CELF2: variants seen among roughly 807,000 people sequenced by gnomAD.
CELF2 encodes CUGBP Elav-like family member 2, also known as CUG triplet repeat RNA-binding protein 2.
CELF2 carries 8 observed loss-of-function variants against 62.6 expected under a neutral mutation model. That is an observed-to-expected ratio of 0.13 (90% confidence interval 0.07 to 0.23). CELF2 has a LOEUF of 0.23. Among genes scored for constraint, CELF2 ranks in the 10% least tolerant of loss-of-function variants. The pLI is 1.00. For synonymous variants in CELF2, 258 were observed against 250.0 expected, an observed-to-expected ratio of 1.03 and a Z score of -0.30; for missense variants, 333 against 671.0, an observed-to-expected ratio of 0.50 and a Z score of 5.56.
At position 11,165,269 on chromosome 10, in the gene CELF2, G is replaced by A; in HGVS notation, c.75-217G>A. 1.1e-5 allele frequency: 15 copies of A among 1,381,848 alleles called. 1 individual carries two copies. The highest frequency in any genetic ancestry group is 6.4e-5 in the Admixed American group (2 of 31,492). 85.6% of individuals were successfully genotyped at this position (1,381,848 alleles called of 1,614,324 possible). Reference sequence around the variant, plus strand: ...GCCCCGTGCTCCCCCGGCTCTGCTCGACAGCAGCACGCAGTGAGAGCCTCG... The same window carrying A: ...GCCCCGTGCTCCCCCGGCTCTGCTCAACAGCAGCACGCAGTGAGAGCCTCG... On this transcript the variant is annotated intron_variant, in intron 1 of 12. Coordinates refer to ENST00000633077, the MANE Select transcript of CELF2 (RefSeq NM_001326342.2). The surrounding 1 kb of genome is among the most constrained non-coding windows in gnomAD (Gnocchi z 7.4).
chr10:10,904,421 A>G (rs2063174874), intron 1 of CELF2, among the ~76,000 whole-genome samples: 1 of 151,952 alleles, frequency 6.6e-6, no homozygotes, highest in Non-Finnish European at 1.5e-5. Context: ...TTGTAAAGAC[A>G]GAGTCTCAAT....
chr10:10,964,457 C>T (rs187634868), intron 2 of CELF2, among the ~76,000 whole-genome samples: 23 of 152,240 alleles, frequency 1.5e-4, no homozygotes, highest in Admixed American at 9.8e-4. Context: ...ACTTTTGTAA[C>T]TTGAAAGAAT....
At chr10:10,970,466 G>A (rs1740326904) in intron 2 of CELF2, among the ~76,000 whole-genome samples, 2 of 152,222 alleles carry the variant, frequency 1.3e-5, no homozygotes, top group South Asian at 4.1e-4. Context: ...GCTTAGAACA[G>A]AAATGGTCTG....
At chr10:10,763,055 T>C in the CELF2 span, among the ~76,000 whole-genome samples, 1 of 152,264 alleles carries the variant, frequency 6.6e-6, no homozygotes, top group African/African-American at 2.4e-5. Context: ...CCAAGATTTC[T>C]ACATGCGATC....
At chr10:10,746,071 A>G in the CELF2 span, among the ~76,000 whole-genome samples, 2 of 152,228 alleles carry the variant, frequency 1.3e-5, no homozygotes, top group African/African-American at 2.4e-5. Flanking sequence ...TGGCCAGTCC[A>G]GGGCATGAAT....
chr10:11,024,326 C>T (rs1001240512), intron 1 of CELF2, among the ~76,000 whole-genome samples: 2 of 152,288 alleles, frequency 1.3e-5, no homozygotes, highest in Non-Finnish European at 2.9e-5. Flanking sequence ...AGAAGTCAGT[C>T]GGGTACGGTT....
At position 11,134,011 on chromosome 10, in the gene CELF2, C is replaced by A. The variant is rs139888578; in HGVS notation, c.75-31475C>A. Among the ~76,000 whole-genome samples, 4 of 152,274 alleles carry A rather than the reference C, an allele frequency of 2.6e-5. No individual in the cohort carries two copies. In the East Asian group the frequency reaches 7.7e-4, roughly 29 times the overall value. On this transcript the variant is annotated intron_variant, in intron 1 of 12. Coordinates refer to ENST00000633077, the MANE Select transcript of CELF2 (RefSeq NM_001326342.2). ...AAATAGGTTCTCTTTGTATTTGTGG[C>A]TGGAATTCCGTATTATTGTATACTT...
At chr10:11,091,363 G>C (rs2048279025) in intron 1 of CELF2, among the ~76,000 whole-genome samples, 1 of 152,184 alleles carries the variant, frequency 6.6e-6, no homozygotes, top group Non-Finnish European at 1.5e-5. Context: ...TTTTTTGTGA[G>C]AAACATGGCC....
At chr10:11,047,001 AGCGCTG>A (rs1342862318) in intron 1 of CELF2, among the ~76,000 whole-genome samples, 1 of 149,394 alleles carries the variant, frequency 6.7e-6, no homozygotes, top group East Asian at 2.0e-4. Flanking sequence ...CCTAGGTCTG[AGCGCTG>A]GAGTATTTCT....
intron 1 of CELF2, among the ~76,000 whole-genome samples, chr10:10,892,453 A>C (rs1220911258): frequency 6.6e-6 from 1 of 152,146 alleles, no homozygotes; most frequent in East Asian, 1.9e-4. Context: ...CCCTCCATCC[A>C]CAAATGGAAG....
rs556942239 is a variant in CELF2, at chr10:11,038,651, C to T, written c.74+20488C>T. ...ATTCTAGAAGGAAAATTTGAATATC[C>T]ATTTCAGCACTGATTTCATACACAT... On this transcript the variant is annotated intron_variant, in intron 1 of 12. Coordinates refer to ENST00000633077, the MANE Select transcript of CELF2 (RefSeq NM_001326342.2). 3.3e-5 allele frequency among the ~76,000 whole-genome samples: 5 copies of T among 152,222 alleles called. No homozygotes were observed. In the South Asian group the frequency reaches 6.2e-4, roughly 19 times the overall value.
At chr10:11,034,560 C>T (rs1210182987) in intron 1 of CELF2, among the ~76,000 whole-genome samples, 1 of 152,090 alleles carries the variant, frequency 6.6e-6, no homozygotes, top group Non-Finnish European at 1.5e-5. Flanking sequence ...TGGAAATGTG[C>T]ACAGAAGCCC....
intron 1 of CELF2, among the ~76,000 whole-genome samples, chr10:11,069,846 C>T (rs762574842): frequency 2.0e-5 from 3 of 152,170 alleles, no homozygotes; most frequent in Admixed American, 6.5e-5. Context: ...CATGCAGCTA[C>T]GAAAAGAACC....
chr10:10,551,105 T>A, the CELF2 span, among the ~76,000 whole-genome samples: 1 of 152,206 alleles, frequency 6.6e-6, no homozygotes, highest in Non-Finnish European at 1.5e-5. Flanking sequence ...ACCGTCAATG[T>A]GGAGATCTGT....
rs902838412 is a variant in CELF2, at chr10:11,306,775, A to G, written c.977-7364A>G. On this transcript the variant is annotated intron_variant, in intron 9 of 12. Coordinates refer to ENST00000633077, the MANE Select transcript of CELF2 (RefSeq NM_001326342.2). This position sits in a 1 kb window ranked among gnomAD's most constrained non-coding sequence, Gnocchi z 4.4. ...TTCTTCACCGTCTCCCCAACTTTCTACTGGGACCGTCTAAGAACAGCGTAG... is the reference window on the plus strand; with the variant it reads ...TTCTTCACCGTCTCCCCAACTTTCTGCTGGGACCGTCTAAGAACAGCGTAG... Among the ~76,000 whole-genome samples the G allele has an allele frequency of 6.6e-6, 1 of 152,042 alleles. No individual in the cohort carries two copies. The highest frequency in any genetic ancestry group is 1.5e-5 in the Non-Finnish European group (1 of 68,022).
the CELF2 span, among the ~76,000 whole-genome samples, chr10:10,508,926 G>A: frequency 8.3e-4 from 126 of 152,040 alleles, 1 homozygote; most frequent in East Asian, 7.5e-3. Flanking sequence ...CACTCGCCTC[G>A]GCCTCCCAAA....
In CELF2 at chr10:11,334,206, T is replaced by A. The variant is rs2096078477; in HGVS notation, c.*5153T>A. 2 of 152,684 alleles carry A rather than the reference T, an allele frequency of 1.3e-5. No individual in the cohort carries two copies. The highest frequency in any genetic ancestry group is 2.4e-5 in the African/African-American group (1 of 41,478). 9.5% of individuals were successfully genotyped at this position (152,684 alleles called of 1,614,324 possible). A position where few individuals can be genotyped will look rare whatever the true frequency, so the allele number is the denominator to read the frequency against. On this transcript the variant is annotated 3_prime_UTR_variant, in exon 13 of 13. Transcript: ENST00000633077. ...TAGTTAAAACTTTAGGGTTTGCTTT[T>A]TTGCTGTTTAGATCAAAGTTTTTTC...
chr10:10,910,019 C>A (rs900307341), intron 1 of CELF2, among the ~76,000 whole-genome samples: 26 of 152,308 alleles, frequency 1.7e-4, no homozygotes, highest in African/African-American at 6.0e-4. Context: ...TCAAACATCA[C>A]AATGCAGGCT....
chr10:11,032,085 G>A (rs895894641), intron 1 of CELF2, among the ~76,000 whole-genome samples: 6 of 147,908 alleles, frequency 4.1e-5, no homozygotes, highest in Non-Finnish European at 8.9e-5. Context: ...TGGGGCAGGT[G>A]CGATTGCATC....
Sources: gnomAD v4.1 joint callset for allele counts (sites outside exome capture counted in the v4.1 genomes callset) on GRCh38, gnomAD v4.1.1 for gene constraint, Gnocchi (gnomAD v3.1) non-coding constraint, MANE v1.5 for transcripts, NCBI Gene and HGNC (gene_info 2026-07-23, HGNC 2026-07-21) for gene names.